The following MGAT4C variants were observed in gnomAD, a reference collection of about 807,000 sequenced individuals.
The protein encoded by MGAT4C is MGAT4 family member C.
In MGAT4C, 19 loss-of-function variants were observed where a neutral mutation model predicts 40.1. The ratio of observed to expected loss-of-function variants is 0.47; its 90% CI spans 0.33 to 0.70. MGAT4C has a LOEUF of 0.70. Ranked by LOEUF, MGAT4C falls within the 30% of genes least tolerant of loss-of-function variation. The pLI, the probability that MGAT4C is intolerant of heterozygous loss-of-function variation, is 0.02. For synonymous variants in MGAT4C, 181 were observed against 187.1 expected (o/e 0.97, Z 0.27); for missense variants, 491 against 563.2 (o/e 0.87, Z 1.30).
At chr12:86,030,577 T>C (rs1196141358) in intron 2 of MGAT4C, among the ~76,000 whole-genome samples, 2 of 151,748 alleles carry the variant, frequency 1.3e-5, no homozygotes, top group African/African-American at 4.8e-5. Flanking sequence ...GATTGGGACT[T>C]TTTAAAAGGA....
At chr12:86,758,418 A>T (rs971320234) in intron 1 of MGAT4C, among the ~76,000 whole-genome samples, 23 of 147,264 alleles carry the variant, frequency 1.6e-4, no homozygotes, top group Admixed American at 6.8e-5. Flanking sequence ...ATTAATTAGT[A>T]TTTACTTAGC....
chr12:86,551,480 C>G (rs148735343), intron 2 of MGAT4C, among the ~76,000 whole-genome samples: 1 of 152,322 alleles, frequency 6.6e-6, no homozygotes, highest in East Asian at 1.9e-4. Flanking sequence ...TGCCCATGTT[C>G]CAGGCCTCAG....
At chr12:86,742,810 T>C (rs1565959703) in intron 1 of MGAT4C, among the ~76,000 whole-genome samples, 1 of 151,466 alleles carries the variant, frequency 6.6e-6, no homozygotes, top group East Asian at 1.9e-4. Flanking sequence ...TAATCAATAA[T>C]AAAAAAATAA....
intron 2 of MGAT4C, among the ~76,000 whole-genome samples, chr12:86,607,841 C>T (rs1037106809): frequency 6.6e-6 from 1 of 151,996 alleles, no homozygotes; most frequent in Non-Finnish European, 1.5e-5. Context: ...TGGCACCTGG[C>T]GGGGTGCAGG....
chr12:86,328,562 A>G lies in MGAT4C; in HGVS notation c.-57+5503T>C, dbSNP rs564166610. On this transcript the variant is annotated intron_variant, in intron 4 of 7. Transcript: ENST00000548651. The stretch of plus-strand genomic sequence containing the variant: ...TAAAAATATTAAAATATTACCATTT[A>G]TAATAGCACCAAGAAACATCAAGTG... 2.1e-3 allele frequency among the ~76,000 whole-genome samples: 324 copies of G among 152,306 alleles called. 1 individual carries two copies. Among genetic ancestry groups the G allele is most frequent in the Non-Finnish European group, 4.0e-3 (272 of 68,010 alleles).
chr12:86,461,401 G>A lies in MGAT4C; in HGVS notation c.-228-26136C>T, dbSNP rs1033916882. On this transcript the variant is annotated intron_variant, in intron 2 of 7. Transcript: ENST00000548651. ...GCTGGGACTACAGGCGCCCGCCACC[G>A]CGCCCGGTTAATTTTTTGTATTTTT... is the stretch of plus-strand genomic sequence containing the variant. Among the ~76,000 whole-genome samples the A allele has an allele frequency of 1.8e-4, 28 of 151,830 alleles. No homozygotes were observed. In the East Asian group the frequency reaches 4.7e-3, roughly 25 times the overall value.
intron 1 of MGAT4C, among the ~76,000 whole-genome samples, chr12:86,827,793 T>C (rs1952837190): frequency 6.6e-6 from 1 of 151,382 alleles, no homozygotes; most frequent in African/African-American, 2.4e-5. Flanking sequence ...AATTTCAAAG[T>C]CAAATATGTA....
chr12:86,179,491 T>C (rs1426570305), intron 1 of MGAT4C, among the ~76,000 whole-genome samples: 1 of 152,172 alleles, frequency 6.6e-6, no homozygotes, highest in African/African-American at 2.4e-5. Flanking sequence ...CAGGACAATG[T>C]GGGAAAGTTT....
chr12:86,252,320 C>A (rs146153106), intron 1 of MGAT4C, among the ~76,000 whole-genome samples: 5 of 152,046 alleles, frequency 3.3e-5, no homozygotes, highest in African/African-American at 1.2e-4. Flanking sequence ...GCAATAGGAC[C>A]ACAGTAAAAT....
intron 2 of MGAT4C, among the ~76,000 whole-genome samples, chr12:86,634,576 G>T (rs1392746198): frequency 6.6e-6 from 1 of 152,024 alleles, no homozygotes; most frequent in Non-Finnish European, 1.5e-5. Flanking sequence ...CCATGTGATG[G>T]TTAGCTGAAT....
chr12:86,172,995 G>A (rs1887012741), intron 1 of MGAT4C, among the ~76,000 whole-genome samples: 1 of 152,086 alleles, frequency 6.6e-6, no homozygotes, highest in Non-Finnish European at 1.5e-5. Flanking sequence ...AGAGGGCCAT[G>A]CAGATACAAT....
intron 1 of MGAT4C, among the ~76,000 whole-genome samples, chr12:86,071,358 C>T (rs8181635): frequency 0.57 from 86,319 of 151,840 alleles, 25,425 homozygotes; most frequent in East Asian, 0.91. Flanking sequence ...TTTGTTCAGA[C>T]AGACCCAATT....
chr12:86,769,836 A>G (rs1951595877), intron 1 of MGAT4C, among the ~76,000 whole-genome samples: 1 of 152,050 alleles, frequency 6.6e-6, no homozygotes, highest in Admixed American at 6.6e-5. Context: ...GGACACAGGA[A>G]GGGGAACATC....
chr12:86,062,228 C>A (rs1282272368), intron 1 of MGAT4C, among the ~76,000 whole-genome samples: 1 of 152,150 alleles, frequency 6.6e-6, no homozygotes, highest in Non-Finnish European at 1.5e-5. Context: ...GATACCCCGG[C>A]AAACACGGTC....
intron 1 of MGAT4C, among the ~76,000 whole-genome samples, chr12:86,064,502 T>G (rs1197452277): frequency 6.6e-6 from 1 of 152,190 alleles, no homozygotes; most frequent in Non-Finnish European, 1.5e-5. Flanking sequence ...AATAAAGATG[T>G]TCTTTGAAAC....
intron 1 of MGAT4C, among the ~76,000 whole-genome samples, chr12:86,836,087 G>A (rs1033103928): frequency 4.6e-5 from 7 of 151,960 alleles, no homozygotes; most frequent in African/African-American, 1.7e-4. Context: ...ATGAGACAGA[G>A]GTGTATAGAG....
At chr12:86,016,375 T>C (rs1307596517) in intron 2 of MGAT4C, 1 of 152,232 alleles carries the variant, frequency 6.6e-6, no homozygotes, top group African/African-American at 2.4e-5. Flanking sequence ...TGGACTTGTT[T>C]GGCAAAAGCC....
chr12:86,782,173 T>A (rs1176958439), intron 1 of MGAT4C, among the ~76,000 whole-genome samples: 3 of 65,986 alleles, frequency 4.5e-5, no homozygotes, highest in African/African-American at 9.3e-5. Flanking sequence ...TTTTTTGTAT[T>A]TTTTTTTTTT....
At chr12:86,536,387 C>T (rs1309728322) in intron 2 of MGAT4C, among the ~76,000 whole-genome samples, 1 of 151,692 alleles carries the variant, frequency 6.6e-6, no homozygotes, top group African/African-American at 2.4e-5. Context: ...TAGTCATTTG[C>T]TAATAGGTAG....
Sources: allele counts gnomAD v4.1 joint callset (sites outside exome capture counted in the v4.1 genomes callset), GRCh38; gene constraint gnomAD v4.1.1; transcripts MANE v1.5; gene names NCBI Gene and HGNC (gene_info 2026-07-23, HGNC 2026-07-21).